The following PCSK2 variants were observed in gnomAD, a reference collection of about 807,000 sequenced individuals.
PCSK2 encodes neuroendocrine convertase 2.
In PCSK2, 14 loss-of-function variants were observed where a neutral mutation model predicts 69.7. That is an observed-to-expected ratio of 0.20 (90% CI 0.13 to 0.31). PCSK2 has a LOEUF of 0.31. PCSK2 is among the 10% of genes least tolerant of loss of function. The pLI is 1.00. For missense variants in PCSK2, 544 were observed against 842.5 expected, an observed-to-expected ratio of 0.65 and a Z score of 4.39; for synonymous variants, 307 against 320.7, an observed-to-expected ratio of 0.96 and a Z score of 0.46.
intron 10 of PCSK2, among the ~76,000 whole-genome samples, chr20:17,460,353 G>T (rs185172293): frequency 6.6e-6 from 1 of 152,240 alleles, no homozygotes; most frequent in African/African-American, 2.4e-5. Context: ...CCACCCAGTG[G>T]CTTCTGCTTA....
chr20:17,306,318 GC>G (rs34347086), intron 2 of PCSK2, among the ~76,000 whole-genome samples: 3 of 151,444 alleles, frequency 2.0e-5, no homozygotes, highest in Non-Finnish European at 2.9e-5. Flanking sequence ...ATTAAATTAT[GC>G]CCCCCCAAAA....
chr20:17,254,092 T>A (rs2122983191), intron 1 of PCSK2, among the ~76,000 whole-genome samples: 1 of 152,370 alleles, frequency 6.6e-6, no homozygotes, highest in South Asian at 2.1e-4. Flanking sequence ...TAAACATTTT[T>A]AAAACATTCC....
intron 6 of PCSK2, among the ~76,000 whole-genome samples, chr20:17,414,314 A>C (rs1019239780): frequency 6.6e-6 from 1 of 152,238 alleles, no homozygotes; most frequent in African/African-American, 2.4e-5. Flanking sequence ...GAAAAGAGAG[A>C]AAAATCAAAT....
At chr20:17,310,003 C>T (rs1989453166) in intron 2 of PCSK2, among the ~76,000 whole-genome samples, 1 of 151,898 alleles carries the variant, frequency 6.6e-6, no homozygotes, top group African/African-American at 2.4e-5. Flanking sequence ...TTTCTGCTTC[C>T]GGGGAGGCCT....
At chr20:17,263,229 T>G (rs1987462070) in intron 2 of PCSK2, 2 of 586,458 alleles carry the variant, frequency 3.4e-6, no homozygotes, top group Non-Finnish European at 4.3e-6. Context: ...CAACTAATTT[T>G]TATGCTAAAA....
At chr20:17,303,466 A>AT (rs1555786502) in intron 2 of PCSK2, among the ~76,000 whole-genome samples, 6 of 60,322 alleles carry the variant, frequency 9.9e-5, no homozygotes, top group African/African-American at 2.8e-4. Flanking sequence ...TAAATATAAT[A>AT]TATATTATAT....
chr20:17,238,539 G>A (rs905468265), intron 1 of PCSK2, among the ~76,000 whole-genome samples: 4 of 152,092 alleles, frequency 2.6e-5, no homozygotes, highest in Non-Finnish European at 4.4e-5. Flanking sequence ...ATTCCAAAAA[G>A]CATTTGAGCC....
chr20:17,429,507 C>T lies in PCSK2; in HGVS notation c.693C>T (p.Tyr231=), dbSNP rs368833314. The T allele has an allele frequency of 6.2e-7, 1 of 1,612,536 alleles. No individual in the cohort carries two copies. The highest frequency in any genetic ancestry group is 8.5e-7 in the Non-Finnish European group (1 of 1,178,906). ...ATATCTGTGGAGTTGGAGTAGCATA[C>T]AACTCCAAGGTTGCAGGTAAGCCAT... ...NNNICGVGVA[Y]NSKVAGIRML... The change falls in exon 7 of 12, where the codon TAC becomes TAT. Residue 231 remains tyrosine (Y), a synonymous_variant. Coordinates refer to ENST00000262545, the MANE Select transcript of PCSK2 (RefSeq NM_002594.5).
At chr20:17,239,850 T>G (rs1441564081) in intron 1 of PCSK2, among the ~76,000 whole-genome samples, 1 of 125,962 alleles carries the variant, frequency 7.9e-6, no homozygotes, top group African/African-American at 3.1e-5. Flanking sequence ...ACTTTTTTTT[T>G]TTTTTTTTTT....
chr20:17,378,520 C>T (rs539198886), intron 5 of PCSK2, among the ~76,000 whole-genome samples: 19 of 152,204 alleles, frequency 1.2e-4, no homozygotes, highest in South Asian at 2.1e-4. Context: ...AATGAACCAG[C>T]GGCCTCATTC....
intron 2 of PCSK2, among the ~76,000 whole-genome samples, chr20:17,282,890 G>A (rs145120822): frequency 6.8e-4 from 103 of 152,272 alleles, no homozygotes; most frequent in African/African-American, 2.3e-3. Flanking sequence ...AGGATTTGAA[G>A]ATTATTCAGA....
chr20:17,320,608 G>A (rs556384938), intron 2 of PCSK2, among the ~76,000 whole-genome samples: 6 of 152,312 alleles, frequency 3.9e-5, no homozygotes, highest in South Asian at 2.1e-4. Context: ...GCACCTCTGG[G>A]AAACTGTGGA....
At chr20:17,395,479 A>T (rs755340066) in intron 5 of PCSK2, among the ~76,000 whole-genome samples, 13 of 152,154 alleles carry the variant, frequency 8.5e-5, no homozygotes, top group Non-Finnish European at 2.9e-5. Context: ...CAGAGAGAAG[A>T]GAATGCTTTC....
Position 17,227,621 on chromosome 20 carries a change from G to T in PCSK2, c.177+139G>T, listed in dbSNP as rs1167635345. On this transcript the variant is annotated intron_variant, in intron 1 of 11. Coordinates refer to ENST00000262545, the MANE Select transcript of PCSK2 (RefSeq NM_002594.5). The stretch of plus-strand genomic sequence containing the variant: ...TATTCTGCCATGGGCTCTTTAACAC[G>T]ATATTGCCTCCGGTGATCTTTCACC... The T allele has an allele frequency of 1.1e-5, 7 of 637,370 alleles. No homozygotes were observed. In the East Asian group the frequency reaches 1.6e-4, roughly 15 times the overall value. The allele number at this position is 637,370 out of a possible 1,614,324, so 39.5% of individuals were successfully genotyped here.
intron 5 of PCSK2, among the ~76,000 whole-genome samples, chr20:17,407,333 C>T (rs183095652): frequency 1.5e-3 from 233 of 152,270 alleles, no homozygotes; most frequent in African/African-American, 5.4e-3. Context: ...ACCCACCTCA[C>T]CTTAGGGAAT....
At chr20:17,266,189 A>G (rs1311635117) in intron 2 of PCSK2, among the ~76,000 whole-genome samples, 1 of 152,228 alleles carries the variant, frequency 6.6e-6, no homozygotes, top group Non-Finnish European at 1.5e-5. Flanking sequence ...ACTTGAGCTC[A>G]CTGTTCTGCT....
intron 5 of PCSK2, among the ~76,000 whole-genome samples, chr20:17,373,462 C>G (rs1051662215): frequency 6.6e-6 from 1 of 152,312 alleles, no homozygotes; most frequent in African/African-American, 2.4e-5. Context: ...GGTGTGGGTA[C>G]AGACAGCTGC....
rs552586590 is a variant in PCSK2, at chr20:17,369,382, G to A, written c.543+105G>A. On this transcript the variant is annotated intron_variant, in intron 5 of 11. Transcript: ENST00000262545. ...TGTCTACATGTCTATACACATGCAT[G>A]CAAGTACAGGAGCATGCACACACAC... The A allele has an allele frequency of 8.1e-6, 7 of 868,352 alleles. No homozygotes were observed. In the African/African-American group the frequency reaches 8.2e-5, roughly 10 times the overall value. The allele number at this position is 868,352 out of a possible 1,614,324, so 53.8% of individuals were successfully genotyped here. A position where few individuals can be genotyped will look rare whatever the true frequency, so the allele number is the denominator to read the frequency against.
At chr20:17,287,547 T>C (rs1016389908) in intron 2 of PCSK2, among the ~76,000 whole-genome samples, 3 of 152,028 alleles carry the variant, frequency 2.0e-5, no homozygotes. Context: ...GATTCTTTCT[T>C]GTCTGCTCAA....
Sources: gnomAD v4.1 joint callset for allele counts (sites outside exome capture counted in the v4.1 genomes callset) on GRCh38, gnomAD v4.1.1 for gene constraint, MANE v1.5 for transcripts, NCBI Gene and HGNC (gene_info 2026-07-23, HGNC 2026-07-21) for gene names.